SNX13: variants seen among roughly 807,000 people sequenced by gnomAD.
The protein encoded by SNX13 is sorting nexin-13.
A neutral mutation model predicts 133.6 loss-of-function variants in SNX13; 45 were observed. That is an observed-to-expected ratio of 0.34 (90% CI 0.27 to 0.43). The LOEUF is 0.43. Among genes scored for constraint, SNX13 ranks in the 20% least tolerant of loss-of-function variants. SNX13 has a pLI of 1.00. For synonymous variants in SNX13, 414 were observed against 373.9 expected (o/e 1.11, Z -1.24); for missense variants, 1,032 against 1,145.1 (o/e 0.90, Z 1.43).
chr7:17,839,397 T>C (rs1789593157), intron 13 of SNX13, among the ~76,000 whole-genome samples: 1 of 151,770 alleles, frequency 6.6e-6, no homozygotes, highest in Non-Finnish European at 1.5e-5. Flanking sequence ...TACCCTTCAA[T>C]TGTGCAAATT....
At chr7:17,908,824 C>G (rs1184649374) in intron 1 of SNX13, among the ~76,000 whole-genome samples, 5 of 152,086 alleles carry the variant, frequency 3.3e-5, no homozygotes, top group South Asian at 2.1e-4. Context: ...TCAGTTATTA[C>G]AAGACTTTAG....
chr7:17,794,376 A>G, intron 25 of SNX13, 84 bp from the exon 26 acceptor site: 1 of 1,472,528 alleles, frequency 6.8e-7, no homozygotes, highest in Non-Finnish European at 9.1e-7. Flanking sequence ...ATTAAGGTAC[A>G]CAGCAGAGTA....
intron 5 of SNX13, among the ~76,000 whole-genome samples, chr7:17,887,961 A>G (rs1796197315): frequency 6.6e-6 from 1 of 152,136 alleles, no homozygotes; most frequent in African/African-American, 2.4e-5. Context: ...CTGCTATCAT[A>G]TGTTTCACAG....
At chr7:17,930,754 C>T (rs928759107) in intron 1 of SNX13, among the ~76,000 whole-genome samples, 2 of 152,250 alleles carry the variant, frequency 1.3e-5, no homozygotes, top group African/African-American at 4.8e-5. Flanking sequence ...GGAATCAGGC[C>T]GCACAGAAGG....
chr7:17,819,360 GCCTCCT>G (rs1787027341), intron 18 of SNX13, among the ~76,000 whole-genome samples: 2 of 151,936 alleles, frequency 1.3e-5, no homozygotes, highest in Non-Finnish European at 2.9e-5. Flanking sequence ...TCCCACCTCA[GCCTCCT>G]GAGTAGCTGG....
At chr7:17,883,565 C>T (rs1479007187) in intron 5 of SNX13, among the ~76,000 whole-genome samples, 2 of 152,016 alleles carry the variant, frequency 1.3e-5, no homozygotes, top group Non-Finnish European at 2.9e-5. Flanking sequence ...TGTGCTGTTG[C>T]TTTTTTTAAT....
At chr7:17,921,863 T>C (rs371253661) in intron 1 of SNX13, among the ~76,000 whole-genome samples, 41 of 152,358 alleles carry the variant, frequency 2.7e-4, no homozygotes, top group African/African-American at 8.4e-4. Flanking sequence ...TACTAATCCA[T>C]AAACATTCTT....
chr7:17,885,265 T>C (rs186560450), intron 5 of SNX13, among the ~76,000 whole-genome samples: 4 of 119,258 alleles, frequency 3.4e-5, no homozygotes, highest in Non-Finnish European at 5.2e-5. Flanking sequence ...TTCATTCATA[T>C]AAAATGCTCA....
chr7:17,938,133 G>C (rs183727223), intron 1 of SNX13, among the ~76,000 whole-genome samples: 11 of 152,300 alleles, frequency 7.2e-5, no homozygotes, highest in African/African-American at 2.2e-4. Flanking sequence ...ACTAGTTTAC[G>C]AGGCTTAGAA....
chr7:17,808,552 C>G (rs1335162810), intron 20 of SNX13, among the ~76,000 whole-genome samples: 2 of 152,162 alleles, frequency 1.3e-5, no homozygotes, highest in African/African-American at 4.8e-5. Flanking sequence ...TCCAGGAGAA[C>G]TTCCCCAACC....
rs1255711240 is a variant in SNX13 at position 17,940,436 on chromosome 7, T to C, written c.-141A>G. 7 of 925,990 alleles carry C rather than the reference T, an allele frequency of 7.6e-6. No individual in the cohort carries two copies. Among genetic ancestry groups the C allele is most frequent in the African/African-American group, 4.9e-5 (3 of 61,298 alleles). 57.4% of individuals were successfully genotyped at this position (925,990 alleles called of 1,614,324 possible). ...TCCCGGGCGGCGGTTTTACTCGGCT[T>C]CGCTGGCCTCCCCTCGGCCCGGTCG... On this transcript the variant is annotated 5_prime_UTR_variant, in exon 1 of 26. Coordinates refer to ENST00000428135, the MANE Select transcript of SNX13 (RefSeq NM_015132.5).
intron 5 of SNX13, among the ~76,000 whole-genome samples, chr7:17,884,993 T>C (rs1795817512): frequency 6.6e-6 from 1 of 152,178 alleles, no homozygotes; most frequent in Admixed American, 6.5e-5. Flanking sequence ...ATTATATTCC[T>C]AGGTATATAT....
chr7:17,937,424 G>T (rs998635166), intron 1 of SNX13, among the ~76,000 whole-genome samples: 1 of 145,386 alleles, frequency 6.9e-6, no homozygotes, highest in Non-Finnish European at 1.5e-5. Context: ...TGAAGCACGA[G>T]AATAGTTTGA....
chr7:17,816,133 TG>T (rs1562689421), intron 19 of SNX13, 48 bp downstream of exon 19: 2 of 1,482,428 alleles, frequency 1.3e-6, no homozygotes, highest in Non-Finnish European at 1.8e-6. Flanking sequence ...TCTACACCTG[TG>T]TGCTATATTA....
At chr7:17,924,810 A>G (rs1028576694) in intron 1 of SNX13, among the ~76,000 whole-genome samples, 1 of 152,204 alleles carries the variant, frequency 6.6e-6, no homozygotes, top group Non-Finnish European at 1.5e-5. Context: ...TTGAAGTCCC[A>G]TTACATGATA....
intron 21 of SNX13, among the ~76,000 whole-genome samples, chr7:17,802,964 A>C (rs970998232): frequency 3.9e-5 from 6 of 152,134 alleles, no homozygotes; most frequent in African/African-American, 1.4e-4. Flanking sequence ...CCAGAGATTG[A>C]TGGTAATGAT....
At chr7:17,902,519 T>C (rs1336326222) in intron 1 of SNX13, among the ~76,000 whole-genome samples, 1 of 152,158 alleles carries the variant, frequency 6.6e-6, no homozygotes, top group Non-Finnish European at 1.5e-5. Flanking sequence ...ATTAGTGAGA[T>C]AAATTAGGAA....
chr7:17,872,172 A>G (rs1767591189), intron 8 of SNX13, among the ~76,000 whole-genome samples: 1 of 152,230 alleles, frequency 6.6e-6, no homozygotes, highest in Admixed American at 6.5e-5. Context: ...GTAACGGATG[A>G]GCAAGAAAAA....
intron 5 of SNX13, among the ~76,000 whole-genome samples, chr7:17,887,764 T>A (rs1318571731): frequency 1.3e-5 from 2 of 151,114 alleles, no homozygotes; most frequent in Non-Finnish European, 2.9e-5. Context: ...AGTTGATGAA[T>A]AAATACAAAC....
Sources: allele counts gnomAD v4.1 joint callset (sites outside exome capture counted in the v4.1 genomes callset), GRCh38; gene constraint gnomAD v4.1.1; transcripts MANE v1.5; gene names NCBI Gene and HGNC (gene_info 2026-07-23, HGNC 2026-07-21).